PLCB3: variants seen among roughly 807,000 people sequenced by gnomAD.
PLCB3 encodes the protein phospholipase C beta 3.
PLCB3 carries 54 observed loss-of-function variants against 152.1 expected under a neutral mutation model. That is an observed-to-expected ratio of 0.36 (90% CI 0.29 to 0.45). The LOEUF (loss-of-function observed/expected upper bound fraction) is 0.45. Ranked by LOEUF, PLCB3 falls within the 20% of genes least tolerant of loss-of-function variation. The pLI, the probability that PLCB3 is intolerant of heterozygous loss-of-function variation, is 1.00. For synonymous variants in PLCB3, 717 were observed against 698.7 expected, an observed-to-expected ratio of 1.03 and a Z score of -0.41; for missense variants, 1,248 against 1,687.5, an observed-to-expected ratio of 0.74 and a Z score of 4.56.
chr11:64,263,305 T>C (rs981543326), intron 19 of PLCB3, 193 bp from the exon 20 acceptor site: 2 of 572,306 alleles, frequency 3.5e-6, no homozygotes, highest in Non-Finnish European at 6.2e-6. Flanking sequence ...TCCTGATGGC[T>C]GCAGTCATCC....
intron 22 of PLCB3, among the ~76,000 whole-genome samples, chr11:64,264,690 A>G (rs1293955817): frequency 1.3e-5 from 2 of 152,164 alleles, no homozygotes; most frequent in African/African-American, 2.4e-5. Flanking sequence ...AGGCCTTTCC[A>G]GAACAATCTG....
chr11:64,251,789 C>T (rs1442151852), intron 1 of PLCB3, 41 bp downstream of exon 1: 1 of 1,195,206 alleles, frequency 8.4e-7, no homozygotes, highest in Non-Finnish European at 1.1e-6. Flanking sequence ...TCCCGGGACT[C>T]TTTCAGTCAA....
At chr11:64,257,105 A>G (rs1386980324) in intron 10 of PLCB3, among the ~76,000 whole-genome samples, 1 of 149,334 alleles carries the variant, frequency 6.7e-6, no homozygotes. Flanking sequence ...CCCAGGTTCA[A>G]GCGATTCTCC....
chr11:64,264,052 GCACGT>G lies in PLCB3; in HGVS notation c.2595_2599del (p.His865GlnfsTer18). 1 of 1,571,742 alleles carries G rather than the reference GCACGT, an allele frequency of 6.4e-7. No individual in the cohort carries two copies. The highest frequency in any genetic ancestry group is 8.6e-7 in the Non-Finnish European group (1 of 1,160,016). ...CGGAGGCCCTGATCAACCCCATTAAGCACGTCAGCCTGATGGACCAGAGGGCCCGG... is the reference window on the plus strand; with the variant it reads ...CGGAGGCCCTGATCAACCCCATTAAGCAGCCTGATGGACCAGAGGGCCCGG... On this transcript the variant is annotated frameshift_variant, in exon 22 of 31. Coordinates refer to ENST00000279230, the MANE Select transcript of PLCB3 (RefSeq NM_000932.5). LOFTEE classifies it high-confidence loss of function.
rs1221444437 is a variant in PLCB3, at chr11:64,265,058, C to T, written c.2760C>T (p.Pro920=). Residue 920 remains proline (P), a synonymous_variant, in exon 23 of 31, where the codon CCC becomes CCT. Coordinates refer to ENST00000279230, the MANE Select transcript of PLCB3 (RefSeq NM_000932.5). The part of the protein sequence containing the change: ...PSPLDASPRR[P]PGPTTSPAST... ...CACTGGATGCCTCCCCCCGCCGGCC[C>T]CCTGGCCCCACCACCTCCCCTGCCA... 1 of 1,542,464 alleles carries T rather than the reference C, an allele frequency of 6.5e-7. No homozygotes were observed. The highest frequency in any genetic ancestry group is 1.9e-5 in the Admixed American group (1 of 51,770).
Position 64,255,644 on chromosome 11 carries a change from T to TG in PLCB3, c.597+32dup. Reference sequence around the variant, plus strand: ...GTGTGGGGTGGGGACAGGGGCGGGGTGGGGTGTCACGGTGGGCACCCACCC... The same window carrying TG: ...GTGTGGGGTGGGGACAGGGGCGGGGTGGGGGTGTCACGGTGGGCACCCACCC... On this transcript the variant is annotated intron_variant, in intron 7 of 30. Coordinates refer to ENST00000279230, the MANE Select transcript of PLCB3 (RefSeq NM_000932.5). The surrounding 1 kb of genome is among the most constrained non-coding windows in gnomAD (Gnocchi z 6.8). The TG allele has an allele frequency of 3.4e-6, 3 of 890,206 alleles. No homozygotes were observed. Among genetic ancestry groups the TG allele is most frequent in the Non-Finnish European group, 5.2e-6 (3 of 582,138 alleles). 55.1% of individuals were successfully genotyped at this position (890,206 alleles called of 1,614,324 possible).
chr11:64,267,465 T>G lies in PLCB3; in HGVS notation c.3614T>G (p.Val1205Gly). 1 of 1,560,626 alleles carries G rather than the reference T, an allele frequency of 6.4e-7. No individual in the cohort carries two copies. The highest frequency in any genetic ancestry group is 8.6e-7 in the Non-Finnish European group (1 of 1,157,014). The change falls in exon 31 of 31, where the codon GTG (valine) becomes GGG (glycine). Residue 1205 changes from valine to glycine, a missense_variant. By Grantham distance (109) the Val-to-Gly change is moderately radical. Around this residue, in one of 6 missense-constraint regions of PLCB3, gnomAD observed 477 missense variants for 489.6 expected, o/e 0.97. Coordinates refer to ENST00000279230, the MANE Select transcript of PLCB3 (RefSeq NM_000932.5). This position sits in a 1 kb window ranked among gnomAD's most constrained non-coding sequence, Gnocchi z 5.2. ...MPEGLGDGPL[V>G]ACASNGHAPG... Reference sequence around the variant, plus strand: ...GAGGGGCTGGGGGACGGGCCTCTGGTGGCCTGTGCCAGCAACGGTCACGCA... The same window carrying G: ...GAGGGGCTGGGGGACGGGCCTCTGGGGGCCTGTGCCAGCAACGGTCACGCA...
chr11:64,253,908 G>A (rs1301504841), intron 1 of PLCB3, among the ~76,000 whole-genome samples: 1 of 152,190 alleles, frequency 6.6e-6, no homozygotes, highest in Admixed American at 6.5e-5. Context: ...GCAGACCACA[G>A]GGCTATCGTG....
Position 64,266,301 on chromosome 11 carries a change from G to A in PLCB3, c.3267-14G>A. The stretch of plus-strand genomic sequence containing the variant: ...TGCCGCTGACCCCTCCTCTTCCCCT[G>A]CCGGCTTCTCCAGGGAGAAGAAGGA... On this transcript the variant is annotated splice_polypyrimidine_tract_variant and intron_variant, in intron 27 of 30. Coordinates refer to ENST00000279230, the MANE Select transcript of PLCB3 (RefSeq NM_000932.5). The surrounding 1 kb of genome is among the most constrained non-coding windows in gnomAD (Gnocchi z 4.9). The A allele has an allele frequency of 6.2e-7, 1 of 1,613,634 alleles. No homozygotes were observed. Among genetic ancestry groups the A allele is most frequent in the Non-Finnish European group, 8.5e-7 (1 of 1,179,906 alleles).
At chr11:64,264,825 A>G in intron 22 of PLCB3, 126 bp from the exon 23 acceptor site, 1 of 798,408 alleles carries the variant, frequency 1.3e-6, no homozygotes. Flanking sequence ...GTTACAGAGC[A>G]GTCCAGCAGT....
Position 64,262,728 on chromosome 11 carries a change from C to A in PLCB3, c.2275C>A (p.Arg759=), listed in dbSNP as rs755470901. The A allele has an allele frequency of 1.7e-5, 27 of 1,613,858 alleles. No individual in the cohort carries two copies. Among genetic ancestry groups the A allele is most frequent in the Non-Finnish European group, 2.0e-5 (24 of 1,179,984 alleles). The change falls in exon 19 of 31, where the codon CGG becomes AGG. Residue 759 remains arginine (R), a synonymous_variant. Coordinates refer to ENST00000279230, the MANE Select transcript of PLCB3 (RefSeq NM_000932.5). ...CATGTTTGGCCTCCCTGTTGATACG[C>A]GGCGCAAGTACCGCACCCGGACCTC... The part of the protein sequence containing the change: ...VDMFGLPVDT[R]RKYRTRTSQG...
In PLCB3 at chr11:64,260,136, C is replaced by G. The variant is rs756343750; in HGVS notation, c.1633C>G (p.Arg545Gly). The change falls in exon 14 of 31, where the codon CGA becomes GGA. Residue 545 changes from arginine to glycine, a missense_variant. By Grantham distance (125) the Arg-to-Gly change is moderately radical. Transcript: ENST00000279230. Reference sequence around the variant, plus strand: ...GTCTCTGGGTGACGAGGGCCTGAACCGAGGCCCCTATGTTCTTGGACCTGC... The same window carrying G: ...GTCTCTGGGTGACGAGGGCCTGAACGGAGGCCCCTATGTTCTTGGACCTGC... The part of the protein sequence containing the change: ...QKSLGDEGLN[R>G]GPYVLGPADR... The G allele has an allele frequency of 2.5e-6, 4 of 1,610,966 alleles. No individual in the cohort carries two copies. Among genetic ancestry groups the G allele is most frequent in the Non-Finnish European group, 2.5e-6 (3 of 1,178,874 alleles).
rs1489369026 is a variant in PLCB3 at position 64,258,311 on chromosome 11, G to A, written c.1013-162G>A. 2.0e-5 allele frequency among the ~76,000 whole-genome samples: 3 copies of A among 152,128 alleles called. No individual in the cohort carries two copies. The highest frequency in any genetic ancestry group is 7.2e-5 in the African/African-American group (3 of 41,410). On this transcript the variant is annotated intron_variant, in intron 10 of 30. Coordinates refer to ENST00000279230, the MANE Select transcript of PLCB3 (RefSeq NM_000932.5). This position sits in a 1 kb window ranked among gnomAD's most constrained non-coding sequence, Gnocchi z 7.2. ...GGGAGCTATAGTGAGTCTCAGGGATGACTCCCCCCAGCTCACGCTGGTGGG... is the reference window on the plus strand; with the variant it reads ...GGGAGCTATAGTGAGTCTCAGGGATAACTCCCCCCAGCTCACGCTGGTGGG...
rs926353782 is a variant in PLCB3 at position 64,258,215 on chromosome 11, G to C, written c.1013-258G>C. 1.3e-5 allele frequency among the ~76,000 whole-genome samples: 2 copies of C among 152,068 alleles called. No homozygotes were observed. The highest frequency in any genetic ancestry group is 2.9e-5 in the Non-Finnish European group (2 of 67,990). ...GAGGGCTGGAGTCTTCCACACAGGA[G>C]GTGGTGTGAGCTGTGCCAGGGCTGA... On this transcript the variant is annotated intron_variant, in intron 10 of 30. Coordinates refer to ENST00000279230, the MANE Select transcript of PLCB3 (RefSeq NM_000932.5). This position sits in a 1 kb window ranked among gnomAD's most constrained non-coding sequence, Gnocchi z 7.2.
chr11:64,263,503 G>A lies in PLCB3; in HGVS notation c.2361G>A (p.Val787=), dbSNP rs1326252400. 4.5e-6 allele frequency: 7 copies of A among 1,552,222 alleles called. No homozygotes were observed. Among genetic ancestry groups the A allele is most frequent in the Admixed American group, 3.9e-5 (2 of 51,034 alleles). The part of the protein sequence containing the change: ...DEEPFDFPKV[V]LPTLASLRIA... ...AGCTCCAGTCTGGCCCACAGGTGGT[G>A]CTGCCCACGCTGGCTTCACTTCGCA... The change falls in exon 20 of 31, where the codon GTG becomes GTA. Residue 787 remains valine (V), a synonymous_variant. Coordinates refer to ENST00000279230, the MANE Select transcript of PLCB3 (RefSeq NM_000932.5).
rs2032067370 is a variant in PLCB3 at position 64,265,392 on chromosome 11, G to C, written c.2925G>C (p.Arg975=). 1 of 1,612,418 alleles carries C rather than the reference G, an allele frequency of 6.2e-7. No homozygotes were observed. Among genetic ancestry groups the C allele is most frequent in the Non-Finnish European group, 8.5e-7 (1 of 1,179,840 alleles). ...GGAGCCGGCAAGAGCGAGACCTGCG[G>C]GAGCTGCGCAAGAAGCATCAGCGGA... ...KLRSRQERDL[R]ELRKKHQRKA... The change falls in exon 25 of 31, where the codon CGG becomes CGC. Residue 975 remains arginine, a synonymous_variant. Transcript: ENST00000279230.
chr11:64,256,849 G>A, intron 10 of PLCB3, 85 bp downstream of exon 10: 1 of 1,465,934 alleles, frequency 6.8e-7, no homozygotes, highest in African/African-American at 1.4e-5. Flanking sequence ...CAGTCCTTTT[G>A]GCCCATTTGC....
Position 64,256,561 on chromosome 11 carries a change from A to C in PLCB3, c.865+19A>C, listed in dbSNP as rs1236119884. The C allele has an allele frequency of 6.2e-7, 1 of 1,613,074 alleles. No homozygotes were observed. The highest frequency in any genetic ancestry group is 1.3e-5 in the African/African-American group (1 of 74,920). On this transcript the variant is annotated intron_variant, in intron 9 of 30. Coordinates refer to ENST00000279230, the MANE Select transcript of PLCB3 (RefSeq NM_000932.5). ...GAGCGAGGTGAGCTGGCTGGGGTGC[A>C]GGTGGGTGGGGGCAGGTGGGACCCC...
Position 64,255,380 on chromosome 11 carries a change from T to C in PLCB3, c.468-16T>C. On this transcript the variant is annotated splice_polypyrimidine_tract_variant and intron_variant, in intron 5 of 30. Transcript: ENST00000279230. The surrounding 1 kb of genome is among the most constrained non-coding windows in gnomAD (Gnocchi z 6.8). ...TGGCCGTTTTCAGGGTGTGACCTCTTCATCTGCCTTCCCAGATACACGAAG... is the reference window on the plus strand; with the variant it reads ...TGGCCGTTTTCAGGGTGTGACCTCTCCATCTGCCTTCCCAGATACACGAAG... The C allele has an allele frequency of 6.2e-7, 1 of 1,614,046 alleles. No homozygotes were observed. Among genetic ancestry groups the C allele is most frequent in the South Asian group, 1.1e-5 (1 of 91,074 alleles).
Sources: gnomAD v4.1 joint callset for allele counts (sites outside exome capture counted in the v4.1 genomes callset) on GRCh38, gnomAD v4.1.1 for gene constraint, gnomAD v4.1.1 regional missense constraint, Gnocchi (gnomAD v3.1) non-coding constraint, MANE v1.5 for transcripts, NCBI Gene and HGNC (gene_info 2026-07-23, HGNC 2026-07-21) for gene names.